Variants in APLF observed in about 807,000 individuals in gnomAD.
The protein encoded by APLF is aprataxin and PNKP like factor, also known as aprataxin and PNK-like factor.
APLF carries 61 observed loss-of-function variants against 55.6 expected under a neutral mutation model. That is an observed-to-expected ratio of 1.10 (90% CI 0.89 to 1.36). The LOEUF (loss-of-function observed/expected upper bound fraction) is 1.36, where lower values mean the gene tolerates loss of function less well. APLF is among the 40% of genes most tolerant of loss of function. The probability of loss-of-function intolerance (pLI) is 0.00; values close to 1 mark genes in which losing one functional copy is unlikely to be tolerated. For synonymous variants in APLF, 207 were observed against 214.8 expected, an observed-to-expected ratio of 0.96 and a Z score of 0.32; for missense variants, 611 against 602.5, an observed-to-expected ratio of 1.01 and a Z score of -0.15.
At chr2:68,484,052 G>T (rs930037749) in intron 1 of APLF, among the ~76,000 whole-genome samples, 2 of 152,048 alleles carry the variant, frequency 1.3e-5, no homozygotes, top group African/African-American at 4.8e-5. Context: ...TTTGAGAATT[G>T]CAGTCAAACA....
intron 5 of APLF, among the ~76,000 whole-genome samples, chr2:68,517,161 A>C (rs1399234049): frequency 8.0e-6 from 1 of 124,872 alleles, no homozygotes; most frequent in Non-Finnish European, 1.6e-5. Context: ...TTGATATATA[A>C]TATATCAATA....
chr2:68,558,326 A>G (rs1671069520), intron 8 of APLF, among the ~76,000 whole-genome samples: 1 of 152,202 alleles, frequency 6.6e-6, no homozygotes, highest in Non-Finnish European at 1.5e-5. Flanking sequence ...AGTAATTATC[A>G]GGTAACAAAG....
chr2:68,522,716 T>C (rs35293396), intron 5 of APLF, among the ~76,000 whole-genome samples: 12,770 of 151,812 alleles, frequency 0.084, 603 homozygotes, highest in Middle Eastern at 0.12. Context: ...GAAAAATACG[T>C]TTAATTTATA....
At chr2:68,518,868 A>T (rs1200325122) in intron 5 of APLF, among the ~76,000 whole-genome samples, 2 of 116,230 alleles carry the variant, frequency 1.7e-5, no homozygotes, top group Non-Finnish European at 3.3e-5. Flanking sequence ...TATGTCATTA[A>T]TATGTAATAA....
chr2:68,491,893 G>C (rs1028715177), intron 2 of APLF, among the ~76,000 whole-genome samples: 5 of 152,046 alleles, frequency 3.3e-5, no homozygotes, highest in African/African-American at 9.7e-5. Context: ...ATAGATATCA[G>C]ATTTTCTCTT....
intron 7 of APLF, 133 bp downstream of exon 7, chr2:68,538,360 C>G: frequency 1.4e-6 from 1 of 704,876 alleles, no homozygotes; most frequent in Non-Finnish European, 2.2e-6. Flanking sequence ...CGTGTTTCTA[C>G]TATTTGTACT....
At chr2:68,523,333 C>T (rs929148112) in intron 5 of APLF, among the ~76,000 whole-genome samples, 1 of 151,884 alleles carries the variant, frequency 6.6e-6, no homozygotes, top group African/African-American at 2.4e-5. Flanking sequence ...TATTATCGAA[C>T]ATTGCTTGTG....
At chr2:68,479,045 C>T (rs1252693033) in intron 1 of APLF, among the ~76,000 whole-genome samples, 1 of 152,124 alleles carries the variant, frequency 6.6e-6, no homozygotes, top group Non-Finnish European at 1.5e-5. Flanking sequence ...TTGAACAATG[C>T]CTCTGGCCAC....
chr2:68,544,937 A>T (rs973226607), intron 7 of APLF, among the ~76,000 whole-genome samples: 8 of 152,186 alleles, frequency 5.3e-5, no homozygotes, highest in Non-Finnish European at 1.5e-5. Flanking sequence ...TTGTCTATTG[A>T]TATCATGGCT....
chr2:68,467,676 G>A lies in APLF; in HGVS notation c.-56G>A, dbSNP rs1675470235. 1.6e-6 allele frequency: 2 copies of A among 1,212,996 alleles called. No individual in the cohort carries two copies. The highest frequency in any genetic ancestry group is 4.2e-5 in the South Asian group (1 of 23,928). 75.1% of individuals were successfully genotyped at this position (1,212,996 alleles called of 1,614,324 possible). On this transcript the variant is annotated 5_prime_UTR_variant, in exon 1 of 10. Transcript: ENST00000303795. ...GCTTGCCCCGCGCGTGTCTGTGGAG[G>A]GCGGAAACAGCGGAGGGGCCAGTCT...
At chr2:68,467,854 C>A in intron 1 of APLF, 27 bp downstream of exon 1, 2 of 1,230,088 alleles carry the variant, frequency 1.6e-6, no homozygotes, top group South Asian at 8.2e-5. Flanking sequence ...GCTTAGCGGA[C>A]CCCGAGAGCC....
intron 5 of APLF, among the ~76,000 whole-genome samples, chr2:68,518,485 A>T (rs1478992388): frequency 7.8e-5 from 9 of 116,010 alleles, no homozygotes; most frequent in Admixed American, 1.0e-4. Flanking sequence ...AATACATAAT[A>T]ACATTAATAA....
intron 6 of APLF, chr2:68,528,751 T>C: frequency 6.7e-7 from 1 of 1,493,106 alleles, no homozygotes; most frequent in Admixed American, 2.0e-5. Flanking sequence ...AACTGGCGAC[T>C]CCATGGCCCT....
intron 9 of APLF, among the ~76,000 whole-genome samples, chr2:68,568,783 A>C (rs1370397920): frequency 6.6e-6 from 1 of 152,182 alleles, no homozygotes; most frequent in African/African-American, 2.4e-5. Flanking sequence ...AATGAAGAAC[A>C]TATTTTAGGA....
chr2:68,500,167 A>T (rs1303285837), intron 2 of APLF, among the ~76,000 whole-genome samples: 1 of 152,172 alleles, frequency 6.6e-6, no homozygotes, highest in African/African-American at 2.4e-5. Flanking sequence ...GAGTATATGT[A>T]GTTTGACATT....
intron 8 of APLF, among the ~76,000 whole-genome samples, chr2:68,550,004 A>G (rs900520886): frequency 1.3e-5 from 2 of 152,170 alleles, no homozygotes; most frequent in Non-Finnish European, 2.9e-5. Context: ...TTGGTCCGAT[A>G]TAATCTACTC....
chr2:68,542,719 T>C (rs774488758), intron 7 of APLF, among the ~76,000 whole-genome samples: 1 of 152,162 alleles, frequency 6.6e-6, no homozygotes, highest in South Asian at 2.1e-4. Context: ...GGAGTGTAAA[T>C]TGGTGTAGCC....
chr2:68,562,957 AT>A, intron 8 of APLF: 2 of 477,480 alleles, frequency 4.2e-6, no homozygotes, highest in Non-Finnish European at 5.5e-6. Flanking sequence ...AAGTCCATCT[AT>A]TCTGTGAGTT....
chr2:68,489,191 A>G (rs901939127), intron 1 of APLF, among the ~76,000 whole-genome samples: 1 of 152,204 alleles, frequency 6.6e-6, no homozygotes, highest in African/African-American at 2.4e-5. Context: ...TATCTGGTTA[A>G]AAAAATGAGT....
Sources: allele counts gnomAD v4.1 joint callset (sites outside exome capture counted in the v4.1 genomes callset), GRCh38; gene constraint gnomAD v4.1.1; transcripts MANE v1.5; gene names NCBI Gene and HGNC (gene_info 2026-07-23, HGNC 2026-07-21).